Variants in DRC9 observed in about 807,000 individuals in gnomAD.
DRC9 encodes dynein regulatory complex subunit 9, also known as dynein regulatory complex protein 9.
the DRC9 span, among the ~76,000 whole-genome samples, chr3:197,893,923 TGTAAA>T: frequency 1.3e-5 from 2 of 152,050 alleles, no homozygotes; most frequent in African/African-American, 4.8e-5. Flanking sequence ...AGCATTCAAA[TGTAAA>T]GGAAAGAAAG....
the DRC9 span, among the ~76,000 whole-genome samples, chr3:197,944,689 C>A: frequency 6.6e-6 from 1 of 152,056 alleles, no homozygotes; most frequent in Non-Finnish European, 1.5e-5. Flanking sequence ...ACCTCGTGAT[C>A]CGCCCACCTC....
the DRC9 span, chr3:197,943,747 C>T: frequency 1.3e-6 from 2 of 1,580,030 alleles, no homozygotes; most frequent in South Asian, 2.3e-5. Context: ...AAAAATAAAG[C>T]AAAATTAACT....
At chr3:197,913,689 G>A in the DRC9 span, 9 of 677,428 alleles carry the variant, frequency 1.3e-5, no homozygotes, top group Non-Finnish European at 2.4e-5. Flanking sequence ...GGAGGCTACA[G>A]CCCACTGGAA....
chr3:197,951,187 T>G, the DRC9 span: 1 of 1,614,238 alleles, frequency 6.2e-7, no homozygotes, highest in Non-Finnish European at 8.5e-7. Flanking sequence ...TTTTGCTGGC[T>G]ATAAGCGGGG....
chr3:197,921,670 A>G, the DRC9 span, among the ~76,000 whole-genome samples: 379 of 142,426 alleles, frequency 2.7e-3, 4 homozygotes, highest in African/African-American at 9.7e-3. Flanking sequence ...ACCTGGTTTC[A>G]TCTTGGTCGA....
chr3:197,913,059 C>A, the DRC9 span: 1 of 308,520 alleles, frequency 3.2e-6, no homozygotes, highest in South Asian at 4.1e-5. Flanking sequence ...TCCGGAGTGC[C>A]AGGAAGAGTG....
the DRC9 span, chr3:197,955,857 T>C: frequency 8.9e-7 from 1 of 1,126,218 alleles, no homozygotes; most frequent in African/African-American, 1.5e-5. Flanking sequence ...TTAAATTGAT[T>C]TGCTACATGC....
chr3:197,897,722 T>A, the DRC9 span, among the ~76,000 whole-genome samples: 296 of 151,178 alleles, frequency 2.0e-3, no homozygotes, highest in African/African-American at 7.0e-3. Context: ...AGTCTGACCA[T>A]AACCATAAAT....
At chr3:197,912,791 C>A in the DRC9 span, 2 of 1,526,098 alleles carry the variant, frequency 1.3e-6, no homozygotes, top group Non-Finnish European at 9.1e-7. Context: ...CCCCGCAGGG[C>A]TGGGAATCAG....
the DRC9 span, among the ~76,000 whole-genome samples, chr3:197,918,180 C>T: frequency 6.6e-6 from 1 of 151,212 alleles, no homozygotes; most frequent in African/African-American, 2.4e-5. Flanking sequence ...CTGCAATCTC[C>T]GCCTCCCACC....
At chr3:197,955,640 C>G in the DRC9 span, 5 of 988,732 alleles carry the variant, frequency 5.1e-6, no homozygotes, top group South Asian at 2.6e-5. Flanking sequence ...TTCCTTACCA[C>G]TAGAACATGT....
the DRC9 span, chr3:197,959,214 AAG>A: frequency 6.6e-6 from 1 of 152,222 alleles, no homozygotes; most frequent in Non-Finnish European, 1.5e-5. Context: ...TCAAAAAAAA[AAG>A]AAACAGCCTT....
chr3:197,926,256 T>C, the DRC9 span: 241 of 580,796 alleles, frequency 4.1e-4, no homozygotes, highest in African/African-American at 4.1e-3. Flanking sequence ...GAAGTGTGCA[T>C]CTCTATCGAG....
chr3:197,921,385 G>A, the DRC9 span, among the ~76,000 whole-genome samples: 1 of 17,964 alleles, frequency 5.6e-5, no homozygotes, highest in Admixed American at 5.9e-4. Flanking sequence ...ATTTAACTTG[G>A]TTTCTTCTTG....
the DRC9 span, chr3:197,951,289 G>T: frequency 6.2e-7 from 1 of 1,614,060 alleles, no homozygotes; most frequent in South Asian, 1.1e-5. Flanking sequence ...CAAGAGATGC[G>T]CTTATGTATA....
the DRC9 span, among the ~76,000 whole-genome samples, chr3:197,938,026 A>T: frequency 6.6e-6 from 1 of 152,082 alleles, no homozygotes; most frequent in South Asian, 2.1e-4. Flanking sequence ...TTGGAAACAA[A>T]GACAAAGGGC....
chr3:197,914,138 A>G, the DRC9 span: 1 of 1,005,216 alleles, frequency 9.9e-7, no homozygotes, highest in Non-Finnish European at 1.6e-6. Flanking sequence ...CGTATAAATC[A>G]ATAAGGAACT....
chr3:197,891,410 G>T, the DRC9 span: 2 of 1,116,906 alleles, frequency 1.8e-6, no homozygotes, highest in Non-Finnish European at 2.7e-6. Flanking sequence ...TCAGTGTTAA[G>T]CCAGCTGTGG....
At chr3:197,897,703 T>C in the DRC9 span, among the ~76,000 whole-genome samples, 1 of 151,952 alleles carries the variant, frequency 6.6e-6, no homozygotes, top group South Asian at 2.1e-4. Context: ...ACCCATGGAA[T>C]ATTTACATAG....
Sources: allele counts gnomAD v4.1 joint callset (sites outside exome capture counted in the v4.1 genomes callset), GRCh38; gene constraint gnomAD v4.1.1; transcripts MANE v1.5; gene names NCBI Gene and HGNC (gene_info 2026-07-23, HGNC 2026-07-21).